Variants in NFILZ observed in about 807,000 individuals in gnomAD.
NFILZ encodes NFIL3 like basic leucine zipper, also known as NFIL3 like protein.
At chr19:8,667,081 C>T (rs2043065642) in intron 3 of NFILZ, among the ~76,000 whole-genome samples, 2 of 152,000 alleles carry the variant, frequency 1.3e-5, no homozygotes, top group African/African-American at 4.8e-5. Context: ...ACTGTCCCAC[C>T]CTGCCCTGTC....
chr19:8,643,422 A>C (rs2967718), intron 3 of NFILZ, among the ~76,000 whole-genome samples: 5 of 152,118 alleles, frequency 3.3e-5, no homozygotes, highest in African/African-American at 1.2e-4. Context: ...CTGGGCCATA[A>C]GACACCCAGA....
Position 8,631,830 on chromosome 19 carries a change from T to TTATGTGTGTGTGTG in NFILZ, c.-410-645_-410-644insATGTGTGTGTGTGT, listed in dbSNP as rs367777602. On this transcript the variant is annotated intron_variant, in intron 1 of 5. Coordinates refer to ENST00000691075, the MANE Select transcript of NFILZ (RefSeq NM_001378600.1). Reference sequence around the variant, plus strand: ...GGCTTGGTCACTCCAGTCCTCGCTTTTGTGTGTGTGTGTGTGTGTGTGTGT... The same window carrying TTATGTGTGTGTGTG: ...GGCTTGGTCACTCCAGTCCTCGCTTTTATGTGTGTGTGTGTGTGTGTGTGTGTGTGTGTGTGTGT... Among the ~76,000 whole-genome samples the TTATGTGTGTGTGTG allele has an allele frequency of 7.3e-4, 107 of 146,004 alleles. 1 individual carries two copies. The highest frequency in any genetic ancestry group is 2.4e-3 in the African/African-American group (94 of 39,184).
chr19:8,654,873 G>A (rs1384180701), intron 3 of NFILZ, among the ~76,000 whole-genome samples: 3 of 152,016 alleles, frequency 2.0e-5, no homozygotes, highest in Non-Finnish European at 4.4e-5. Flanking sequence ...CTCATCGCAA[G>A]GCTCCCACTC....
intron 3 of NFILZ, among the ~76,000 whole-genome samples, chr19:8,647,289 C>T (rs983252247): frequency 1.3e-4 from 20 of 151,942 alleles, no homozygotes; most frequent in African/African-American, 3.9e-4. Context: ...GGAATGAGAT[C>T]GGCCAGGCGC....
intron 1 of NFILZ, among the ~76,000 whole-genome samples, chr19:8,632,149 G>A (rs559506137): frequency 3.3e-5 from 5 of 152,068 alleles, no homozygotes; most frequent in Admixed American, 2.6e-4. Flanking sequence ...GATTACAGGC[G>A]TGAGCCACCG....
At chr19:8,667,359 A>G (rs1303979650) in intron 3 of NFILZ, among the ~76,000 whole-genome samples, 1 of 152,140 alleles carries the variant, frequency 6.6e-6, no homozygotes, top group East Asian at 1.9e-4. Context: ...TTTGGGTCTC[A>G]GTTTTTCCTT....
At chr19:8,676,018 ATGAG>A (rs1279813310) in intron 4 of NFILZ, among the ~76,000 whole-genome samples, 2 of 152,202 alleles carry the variant, frequency 1.3e-5, no homozygotes, top group African/African-American at 4.8e-5. Context: ...GGATGAATGG[ATGAG>A]TGAGTAAGTG....
rs1191379268 is a variant in NFILZ, at chr19:8,677,400, C to T, written c.635C>T (p.Pro212Leu). Residue 212 changes from proline to leucine, a missense_variant, in exon 6 of 6, where the codon CCC becomes CTC. Transcript: ENST00000691075. ...GHVGSRPELR[P>L]CWGLWSPVPS... ...GTAGGGTCCAGACCAGAGCTCAGAC[C>T]CTGCTGGGGGCTGTGGTCACCAGTG... 1 of 152,438 alleles carries T rather than the reference C, an allele frequency of 6.6e-6. No individual in the cohort carries two copies. The highest frequency in any genetic ancestry group is 1.5e-5 in the Non-Finnish European group (1 of 68,236). The allele number at this position is 152,438 out of a possible 1,614,324, so 9.4% of individuals were successfully genotyped here. A position where few individuals can be genotyped will look rare whatever the true frequency, so the allele number is the denominator to read the frequency against.
intron 3 of NFILZ, among the ~76,000 whole-genome samples, chr19:8,670,939 G>A (rs1213739789): frequency 6.7e-6 from 1 of 148,892 alleles, no homozygotes; most frequent in Non-Finnish European, 1.5e-5. Flanking sequence ...AGGTTGCAGT[G>A]AGCTGAGATT....
intron 3 of NFILZ, among the ~76,000 whole-genome samples, chr19:8,641,135 G>A (rs2042917209): frequency 6.6e-6 from 1 of 152,104 alleles, no homozygotes; most frequent in Non-Finnish European, 1.5e-5. Flanking sequence ...CCACAACCTC[G>A]ACCTCCCAGG....
intron 3 of NFILZ, among the ~76,000 whole-genome samples, chr19:8,667,080 C>T (rs1334800579): frequency 6.6e-6 from 1 of 152,010 alleles, no homozygotes; most frequent in African/African-American, 2.4e-5. Flanking sequence ...CACTGTCCCA[C>T]CCTGCCCTGT....
At chr19:8,664,429 C>T (rs983685346) in intron 3 of NFILZ, among the ~76,000 whole-genome samples, 17 of 145,674 alleles carry the variant, frequency 1.2e-4, no homozygotes, top group African/African-American at 3.0e-4. Flanking sequence ...GGGCTGGGCA[C>T]GGGAGATACC....
intron 3 of NFILZ, among the ~76,000 whole-genome samples, chr19:8,673,490 C>T (rs1281858943): frequency 6.6e-5 from 10 of 152,172 alleles, no homozygotes; most frequent in Admixed American, 3.3e-4. Flanking sequence ...GGTGTGGAGC[C>T]GCCTACCACT....
rs1193784121 is a variant in NFILZ, at chr19:8,652,963, C to T, written c.-164+17217C>T. 1.2e-3 allele frequency among the ~76,000 whole-genome samples: 138 copies of T among 114,974 alleles called. 1 individual carries two copies. The highest frequency in any genetic ancestry group is 2.0e-3 in the Admixed American group (21 of 10,558). 75.4% of individuals were successfully genotyped at this position (114,974 alleles called of 152,430 possible). On this transcript the variant is annotated intron_variant, in intron 3 of 5. Transcript: ENST00000691075. ...CTCTTTCTCTCTCTTTCTTTCCCTT[C>T]CTTCCCTCCTTCCTTCCTTCCTTCC...
At chr19:8,670,551 G>A (rs1040508791) in intron 3 of NFILZ, among the ~76,000 whole-genome samples, 13 of 152,344 alleles carry the variant, frequency 8.5e-5, no homozygotes, top group African/African-American at 2.2e-4. Context: ...AAAGGCAGGC[G>A]CCATGAGACT....
chr19:8,670,286 G>C (rs563381543), intron 3 of NFILZ, among the ~76,000 whole-genome samples: 1 of 152,120 alleles, frequency 6.6e-6, no homozygotes, highest in South Asian at 2.1e-4. Context: ...ATTTTTTGTA[G>C]AGACATGGTT....
chr19:8,656,761 C>G (rs1259912498), intron 3 of NFILZ, among the ~76,000 whole-genome samples: 1 of 152,214 alleles, frequency 6.6e-6, no homozygotes, highest in Admixed American at 6.5e-5. Context: ...GGTGGCAACA[C>G]CTGTGTGTGT....
rs184254910 is a variant in NFILZ, at chr19:8,671,162, G to C, written c.-163-3389G>C. On this transcript the variant is annotated intron_variant, in intron 3 of 5. Coordinates refer to ENST00000691075, the MANE Select transcript of NFILZ (RefSeq NM_001378600.1). ...GTCACTGGTCAAGGCAGCTGCGGAGGCTGCTTGGCTGGGGTGGGGCTGGCC... is the reference window on the plus strand; with the variant it reads ...GTCACTGGTCAAGGCAGCTGCGGAGCCTGCTTGGCTGGGGTGGGGCTGGCC... Among the ~76,000 whole-genome samples, 3 of 152,220 alleles carry C rather than the reference G, an allele frequency of 2.0e-5. No homozygotes were observed. In the East Asian group the frequency reaches 5.8e-4, roughly 29 times the overall value.
chr19:8,640,316 G>GTTTTTTTTTTTTTTTTTTT (rs71179871), intron 3 of NFILZ, among the ~76,000 whole-genome samples: 1 of 124,238 alleles, frequency 8.0e-6, no homozygotes, highest in African/African-American at 3.0e-5. Context: ...TCCTGCTGTA[G>GTTTTTTTTTTTTTTTTTTT]TTTTTTTTTT....
Sources: allele counts gnomAD v4.1 joint callset (sites outside exome capture counted in the v4.1 genomes callset), GRCh38; gene constraint gnomAD v4.1.1; transcripts MANE v1.5; gene names NCBI Gene and HGNC (gene_info 2026-07-23, HGNC 2026-07-21).